Variants in PLS1 observed in about 807,000 individuals in gnomAD.
The protein encoded by PLS1 is plastin 1.
In PLS1, 32 loss-of-function variants were observed where a neutral mutation model predicts 73.7. That is an observed-to-expected ratio of 0.43 (90% CI 0.33 to 0.58). The LOEUF (loss-of-function observed/expected upper bound fraction) is 0.58, where lower values mean the gene tolerates loss of function less well. Ranked by LOEUF, PLS1 falls within the 20% of genes least tolerant of loss-of-function variation. The pLI is 0.04. For synonymous variants in PLS1, 217 were observed against 261.3 expected (o/e 0.83, Z 1.63); for missense variants, 633 against 740.5 (o/e 0.85, Z 1.68).
At chr3:142,624,541 T>C (rs1033605465) in intron 1 of PLS1, among the ~76,000 whole-genome samples, 3 of 152,242 alleles carry the variant, frequency 2.0e-5, no homozygotes, top group African/African-American at 7.2e-5. Flanking sequence ...ATACTGATAC[T>C]GCTGGCAGTT....
chr3:142,693,574 C>G (rs151084722), intron 10 of PLS1, among the ~76,000 whole-genome samples: 1 of 152,058 alleles, frequency 6.6e-6, no homozygotes, highest in South Asian at 2.1e-4. Flanking sequence ...ATAACTTTGC[C>G]GAAGAACAAA....
intron 1 of PLS1, among the ~76,000 whole-genome samples, chr3:142,631,664 GAAAAAAA>G (rs71153981): frequency 4.1e-4 from 16 of 39,432 alleles, no homozygotes; most frequent in African/African-American, 7.0e-4. Context: ...CCTGTCTCTA[GAAAAAAA>G]AAAAAAAAAA....
At chr3:142,695,186 G>T (rs1427113327) in intron 11 of PLS1, among the ~76,000 whole-genome samples, 4 of 151,968 alleles carry the variant, frequency 2.6e-5, no homozygotes, top group Non-Finnish European at 5.9e-5. Context: ...TCAGCTAGTT[G>T]TATTTTTTTT....
At chr3:142,710,669 G>A (rs1199654405) in intron 14 of PLS1, among the ~76,000 whole-genome samples, 1 of 152,162 alleles carries the variant, frequency 6.6e-6, no homozygotes, top group Non-Finnish European at 1.5e-5. Context: ...GGTTCTACTT[G>A]TATGAAAGAA....
chr3:142,712,656 T>C lies in PLS1; in HGVS notation c.*649T>C, dbSNP rs1043309922. 6.6e-6 allele frequency: 1 copy of C among 152,534 alleles called. No individual in the cohort carries two copies. The highest frequency in any genetic ancestry group is 6.5e-5 in the Admixed American group (1 of 15,284). The allele number at this position is 152,534 out of a possible 1,614,324, so 9.4% of individuals were successfully genotyped here. On this transcript the variant is annotated 3_prime_UTR_variant, in exon 16 of 16. Transcript: ENST00000457734. ...ACATTGATACTTTACACATCCTAGT[T>C]TGGTAACACAGCTTTAACTATGTCA...
intron 1 of PLS1, among the ~76,000 whole-genome samples, chr3:142,662,166 A>G (rs755044914): frequency 5.9e-5 from 9 of 152,214 alleles, no homozygotes; most frequent in Non-Finnish European, 1.3e-4. Flanking sequence ...AACCAGCCCA[A>G]ATGCCTATCA....
intron 5 of PLS1, among the ~76,000 whole-genome samples, chr3:142,677,212 G>A (rs767989150): frequency 2.7e-4 from 41 of 152,142 alleles, no homozygotes; most frequent in African/African-American, 5.1e-4. Context: ...CTCTGGCTTC[G>A]TATCTTTCTG....
chr3:142,650,349 GC>G (rs1376520136), intron 1 of PLS1, among the ~76,000 whole-genome samples: 5 of 149,080 alleles, frequency 3.4e-5, no homozygotes. Context: ...CTCCTGAGTT[GC>G]TGGGACTACA....
rs568801699 is a variant in PLS1 at position 142,621,090 on chromosome 3, A to C, written c.-37+24581A>C. On this transcript the variant is annotated intron_variant, in intron 1 of 15. Coordinates refer to ENST00000457734, the MANE Select transcript of PLS1 (RefSeq NM_001145319.2). ...ACTTGGCCCTGATCAGTGGCTTGGCACCATATCTTTTTCTACATAGTTGTT... is the reference window on the plus strand; with the variant it reads ...ACTTGGCCCTGATCAGTGGCTTGGCCCCATATCTTTTTCTACATAGTTGTT... 3.9e-5 allele frequency among the ~76,000 whole-genome samples: 6 copies of C among 152,280 alleles called. 1 individual carries two copies. The South Asian group carries it at 1.2e-3, about 32-fold the overall frequency.
intron 9 of PLS1, among the ~76,000 whole-genome samples, chr3:142,689,186 C>T (rs999380149): frequency 6.6e-6 from 1 of 152,086 alleles, no homozygotes; most frequent in African/African-American, 2.4e-5. Flanking sequence ...ATAATCCCAG[C>T]ACTTTGGGAG....
chr3:142,613,258 A>T (rs775855118), intron 1 of PLS1, among the ~76,000 whole-genome samples: 13 of 152,070 alleles, frequency 8.5e-5, no homozygotes, highest in Non-Finnish European at 1.8e-4. Context: ...AGGGCAGATC[A>T]CTTGTGGCCA....
At chr3:142,607,101 C>T (rs1288727814) in intron 1 of PLS1, among the ~76,000 whole-genome samples, 1 of 152,138 alleles carries the variant, frequency 6.6e-6, no homozygotes, top group East Asian at 1.9e-4. Context: ...ACTTTATTAT[C>T]TGTCTTTTAA....
chr3:142,684,294 C>A lies in PLS1; in HGVS notation c.787C>A (p.Leu263Met), dbSNP rs755688841. The change falls in exon 8 of 16, where the codon CTG (leucine) becomes ATG (methionine). Residue 263 changes from leucine to methionine, a missense_variant. By Grantham distance (15) the Leu-to-Met change is conservative. Transcript: ENST00000457734. ...LLNEGEELEE[L>M]MKLSPEELLL... ...AAATGAAGGTGAGGAACTAGAGGAG[C>A]TGATGAAGCTTTCTCCCGAGGAATT... 4 of 1,613,944 alleles carry A rather than the reference C, an allele frequency of 2.5e-6. No homozygotes were observed. In the African/African-American group the frequency reaches 5.3e-5, roughly 22 times the overall value.
chr3:142,626,524 G>T (rs896807841), intron 1 of PLS1, among the ~76,000 whole-genome samples: 1 of 152,168 alleles, frequency 6.6e-6, no homozygotes, highest in African/African-American at 2.4e-5. Flanking sequence ...TAACTGGAAA[G>T]ACTTTATCAT....
At chr3:142,652,024 A>G (rs11917460) in intron 1 of PLS1, among the ~76,000 whole-genome samples, 58,569 of 151,820 alleles carry the variant, frequency 0.39, 12,457 homozygotes, top group Non-Finnish European at 0.48. Flanking sequence ...GGCATTATGG[A>G]CACATTAAGG....
Position 142,704,469 on chromosome 3 carries a change from A to G in PLS1, c.1512A>G (p.Thr504=), listed in dbSNP as rs768990680. 12 of 1,603,780 alleles carry G rather than the reference A, an allele frequency of 7.5e-6. No homozygotes were observed. Among genetic ancestry groups the G allele is most frequent in the South Asian group, 5.6e-5 (5 of 89,676 alleles). Residue 504 remains threonine, a synonymous_variant, in exon 14 of 16, where the codon ACA becomes ACG. Coordinates refer to ENST00000457734, the MANE Select transcript of PLS1 (RefSeq NM_001145319.2). ...ALVWQLMRRY[T]LNVLSDLGEG... is the part of the protein sequence containing the mutation. ...TACATCTTTTCTGTTGCAGGTACACATTGAATGTGTTATCGGATCTTGGAG... is the reference window on the plus strand; with the variant it reads ...TACATCTTTTCTGTTGCAGGTACACGTTGAATGTGTTATCGGATCTTGGAG...
chr3:142,668,904 C>T (rs1230878386), intron 2 of PLS1, among the ~76,000 whole-genome samples: 2 of 152,044 alleles, frequency 1.3e-5, no homozygotes, highest in Admixed American at 6.6e-5. Context: ...GCCTGGCCCC[C>T]CCCATGCTTA....
chr3:142,687,033 C>T (rs937071509), intron 9 of PLS1, among the ~76,000 whole-genome samples: 1 of 152,146 alleles, frequency 6.6e-6, no homozygotes, highest in East Asian at 1.9e-4. Context: ...GTAGGAAGGA[C>T]TGATACAGAT....
intron 1 of PLS1, among the ~76,000 whole-genome samples, chr3:142,602,419 G>A (rs891488679): frequency 2.0e-5 from 3 of 152,090 alleles, no homozygotes; most frequent in African/African-American, 7.2e-5. Context: ...AATATCTATG[G>A]ATCATGACTC....
Sources: allele counts gnomAD v4.1 joint callset (sites outside exome capture counted in the v4.1 genomes callset), GRCh38; gene constraint gnomAD v4.1.1; transcripts MANE v1.5; gene names NCBI Gene and HGNC (gene_info 2026-07-23, HGNC 2026-07-21).